Variants in TET3 observed in about 807,000 individuals in gnomAD.
The protein encoded by TET3 is methylcytosine dioxygenase TET3.
In TET3, 19 loss-of-function variants were observed where a neutral mutation model predicts 141.4. The observed-to-expected ratio is 0.13, with a 90% CI of 0.09 to 0.20. TET3 has a LOEUF of 0.20. TET3 is among the 10% of genes least tolerant of loss of function. The pLI, the probability that TET3 is intolerant of heterozygous loss-of-function variation, is 1.00. For missense variants in TET3, 1,874 were observed against 2,356.9 expected (o/e 0.80, Z 4.24); for synonymous variants, 1,043 against 980.9 (o/e 1.06, Z -1.18).
chr2:74,058,184 C>G (rs867571058), intron 4 of TET3, among the ~76,000 whole-genome samples: 1 of 152,104 alleles, frequency 6.6e-6, no homozygotes, highest in Non-Finnish European at 1.5e-5. Context: ...AAAAGCAGAT[C>G]GGTGAGGAAG....
intron 3 of TET3, among the ~76,000 whole-genome samples, chr2:74,006,171 C>T (rs1469147207): frequency 6.6e-6 from 1 of 152,208 alleles, no homozygotes; most frequent in African/African-American, 2.4e-5. Flanking sequence ...TTCTTGCCTG[C>T]TCTTCCTACT....
chr2:74,085,876 C>T (rs1216272520), intron 6 of TET3, among the ~76,000 whole-genome samples: 1 of 152,240 alleles, frequency 6.6e-6, no homozygotes, highest in Non-Finnish European at 1.5e-5. Context: ...TCCTGAGCCA[C>T]AAAGTGTGGA....
chr2:73,992,085 A>C (rs1012335675), intron 2 of TET3, among the ~76,000 whole-genome samples: 1 of 152,102 alleles, frequency 6.6e-6, no homozygotes, highest in South Asian at 2.1e-4. Flanking sequence ...AATGCTGATA[A>C]CAATGTCTTG....
In TET3 at chr2:74,047,997, C is replaced by T; in HGVS notation, c.2080C>T (p.Pro694Ser). ...CCCCAGCCCCATGACAGCCTTGCAG[C>T]CAGGCTCCACTGGCCCTCTTCCCCC... ...RSPSPMTALQ[P>S]GSTGPLPPAD... Residue 694 changes from proline (P) to serine (S), a missense_variant, in exon 4 of 12, where the codon CCA (proline) becomes TCA (serine). Pro to Ser is a moderately conservative substitution (Grantham distance 74, BLOSUM62 -1). Coordinates refer to ENST00000409262, the MANE Select transcript of TET3 (RefSeq NM_001287491.2). The T allele has an allele frequency of 6.2e-7, 1 of 1,609,040 alleles. No individual in the cohort carries two copies. The highest frequency in any genetic ancestry group is 1.1e-5 in the South Asian group (1 of 90,398).
chr2:74,061,852 C>T (rs1431043312), intron 4 of TET3, among the ~76,000 whole-genome samples: 1 of 145,980 alleles, frequency 6.9e-6, no homozygotes, highest in Non-Finnish European at 1.5e-5. Flanking sequence ...TCCTCACTTC[C>T]TACATGGGAT....
At chr2:74,095,717 C>T (rs925239513) in intron 10 of TET3, among the ~76,000 whole-genome samples, 1 of 152,222 alleles carries the variant, frequency 6.6e-6, no homozygotes, top group Non-Finnish European at 1.5e-5. Context: ...GTATGTATGG[C>T]TCTGCCATCA....
In TET3 at chr2:74,087,703, G is replaced by T. The variant is rs1174881091; in HGVS notation, c.2680-127G>T. Reference sequence around the variant, plus strand: ...AGCTTGTAAGGTTGCTGTCTTCAGGGCATGACATCCCTAGAACCCTGCCGT... The same window carrying T: ...AGCTTGTAAGGTTGCTGTCTTCAGGTCATGACATCCCTAGAACCCTGCCGT... On this transcript the variant is annotated intron_variant, in intron 6 of 11. Transcript: ENST00000409262. This position sits in a 1 kb window ranked among gnomAD's most constrained non-coding sequence, Gnocchi z 4.3. 4.9e-6 allele frequency: 4 copies of T among 815,940 alleles called. No homozygotes were observed. Among genetic ancestry groups the T allele is most frequent in the East Asian group, 5.5e-5 (2 of 36,118 alleles). 50.5% of individuals were successfully genotyped at this position (815,940 alleles called of 1,614,324 possible).
At chr2:74,039,465 C>T (rs1025000668) in intron 3 of TET3, among the ~76,000 whole-genome samples, 15 of 152,134 alleles carry the variant, frequency 9.9e-5, no homozygotes, top group African/African-American at 3.1e-4. Flanking sequence ...TATATATAGG[C>T]CTTTTTCTTC....
rs997017245 is a variant in TET3 at position 74,108,097 on chromosome 2, T to C, written c.*5921T>C. Reference sequence around the variant, plus strand: ...TTATAATTTACACAAACAACTGGGTTTGTGAACTGTATTACTCCTGGTATC... The same window carrying C: ...TTATAATTTACACAAACAACTGGGTCTGTGAACTGTATTACTCCTGGTATC... On this transcript the variant is annotated 3_prime_UTR_variant, in exon 12 of 12. Transcript: ENST00000409262. The C allele has an allele frequency of 6.5e-6, 1 of 153,790 alleles. No homozygotes were observed. The highest frequency in any genetic ancestry group is 2.4e-5 in the African/African-American group (1 of 41,464). The allele number at this position is 153,790 out of a possible 1,614,324, so 9.5% of individuals were successfully genotyped here. A position where few individuals can be genotyped will look rare whatever the true frequency, so the allele number is the denominator to read the frequency against.
intron 5 of TET3, chr2:74,073,887 G>A: frequency 2.7e-6 from 1 of 365,868 alleles, no homozygotes. Flanking sequence ...ATGGTTATAT[G>A]GCTCTATGTC....
intron 2 of TET3, among the ~76,000 whole-genome samples, chr2:74,000,891 C>T (rs995187581): frequency 5.9e-5 from 9 of 152,260 alleles, no homozygotes; most frequent in Middle Eastern, 6.8e-3. Flanking sequence ...GTTTGATAAA[C>T]TGTGGCAGCC....
intron 3 of TET3, among the ~76,000 whole-genome samples, chr2:74,014,670 C>T (rs186350537): frequency 9.6e-4 from 146 of 152,236 alleles, no homozygotes; most frequent in African/African-American, 3.4e-3. Context: ...AAGCCTCGTA[C>T]ATTAGCACCA....
intron 3 of TET3, among the ~76,000 whole-genome samples, chr2:74,028,146 C>G (rs1246917353): frequency 6.6e-6 from 1 of 151,234 alleles, no homozygotes. Flanking sequence ...ACCACCATGC[C>G]TGCCTAATTT....
At chr2:74,133,465 G>C in the TET3 span, among the ~76,000 whole-genome samples, 1 of 152,200 alleles carries the variant, frequency 6.6e-6, no homozygotes, top group Non-Finnish European at 1.5e-5. Flanking sequence ...TGGCTTGACT[G>C]TGGCTGAAGG....
chr2:74,133,112 C>A, the TET3 span, among the ~76,000 whole-genome samples: 1 of 147,356 alleles, frequency 6.8e-6, no homozygotes, highest in Non-Finnish European at 1.5e-5. Flanking sequence ...CAAGGTTTCA[C>A]CATGTTGGCC....
the TET3 span, among the ~76,000 whole-genome samples, chr2:74,115,254 A>C: frequency 3.1e-3 from 476 of 152,278 alleles, 3 homozygotes; most frequent in Admixed American, 4.6e-3. Context: ...CAAACATCTC[A>C]ACAGCAAAAA....
intron 3 of TET3, 84 bp downstream of exon 3, chr2:74,003,250 C>A: frequency 6.6e-7 from 1 of 1,520,208 alleles, no homozygotes; most frequent in South Asian, 1.2e-5. Flanking sequence ...AATAAAGGGT[C>A]TCCTCTGGTG....
chr2:74,072,964 A>G (rs1006836028), intron 4 of TET3, among the ~76,000 whole-genome samples: 5 of 152,268 alleles, frequency 3.3e-5, no homozygotes, highest in Non-Finnish European at 7.3e-5. Context: ...TGTCATGTGG[A>G]CATACGCATT....
At chr2:74,026,314 A>C (rs942202432) in intron 3 of TET3, among the ~76,000 whole-genome samples, 1 of 152,156 alleles carries the variant, frequency 6.6e-6, no homozygotes, top group African/African-American at 2.4e-5. Context: ...CTTTCTGAAG[A>C]GTAACACCCT....
Sources: allele counts gnomAD v4.1 joint callset (sites outside exome capture counted in the v4.1 genomes callset), GRCh38; gene constraint gnomAD v4.1.1; non-coding constraint Gnocchi (gnomAD v3.1); transcripts MANE v1.5; gene names NCBI Gene and HGNC (gene_info 2026-07-23, HGNC 2026-07-21).